Variants in RAPH1 observed in about 807,000 individuals in gnomAD.
RAPH1 encodes ras-associated and pleckstrin homology domains-containing protein 1.
In RAPH1, 18 loss-of-function variants were observed where a neutral mutation model predicts 88.1. The observed-to-expected ratio is 0.20, with a 90% CI of 0.14 to 0.30. RAPH1 has a LOEUF of 0.30. Ranked by LOEUF, RAPH1 falls within the 10% of genes least tolerant of loss-of-function variation. RAPH1 has a pLI of 1.00. For missense variants in RAPH1, 1,448 were observed against 1,543.2 expected (o/e 0.94, Z 1.03); for synonymous variants, 587 against 559.0 (o/e 1.05, Z -0.71).
Position 203,434,040 on chromosome 2 carries a change from A to ATATATATATATCTATCTATC in RAPH1, c.*5396_*5397insGATAGATAGATATATATATA, listed in dbSNP as rs71408937. On this transcript the variant is annotated 3_prime_UTR_variant, in exon 14 of 14. Coordinates refer to ENST00000319170, the MANE Select transcript of RAPH1 (RefSeq NM_213589.3). ...GTAGTACTGAATATATCTCTCTCATATATCTATCTATCTATCTATATATAT... is the reference window on the plus strand; with the variant it reads ...GTAGTACTGAATATATCTCTCTCATATATATATATATCTATCTATCTATCTATCTATCTATCTATATATAT... 6.9e-6 allele frequency: 1 copy of ATATATATATATCTATCTATC among 145,396 alleles called. No individual in the cohort carries two copies. The highest frequency in any genetic ancestry group is 2.0e-4 in the East Asian group (1 of 5,076). 9.0% of individuals were successfully genotyped at this position (145,396 alleles called of 1,614,324 possible).
chr2:203,459,865 C>A, intron 7 of RAPH1, 42 bp downstream of exon 7: 1 of 1,589,138 alleles, frequency 6.3e-7, no homozygotes, highest in South Asian at 1.2e-5. Flanking sequence ...AAATAGGAGA[C>A]ATATTTACAA....
chr2:203,451,766 G>A (rs1005622132), intron 10 of RAPH1, among the ~76,000 whole-genome samples: 2 of 152,204 alleles, frequency 1.3e-5, no homozygotes, highest in African/African-American at 4.8e-5. Context: ...TTTCCTGGCA[G>A]AGCCTTACCT....
chr2:203,440,052 C>T lies in RAPH1; in HGVS notation c.3138G>A (p.Val1046=), dbSNP rs201752703. ...NLPGVLQQGC[V]SAKAPVLSGR... ...CACTCAGAACAGGGGCTTTTGCTGA[C>T]ACACACCCTTGTTGGAGAACTCCAG... The change falls in exon 14 of 14, where the codon GTG becomes GTA. Residue 1046 remains valine, a synonymous_variant. Coordinates refer to ENST00000319170, the MANE Select transcript of RAPH1 (RefSeq NM_213589.3). The T allele has an allele frequency of 6.1e-4, 983 of 1,613,526 alleles. No individual in the cohort carries two copies. The highest frequency in any genetic ancestry group is 8.1e-4 in the Non-Finnish European group (959 of 1,179,996).
chr2:203,439,672 A>C lies in RAPH1; in HGVS notation c.3518T>G (p.Leu1173Arg). 1 of 1,614,146 alleles carries C rather than the reference A, an allele frequency of 6.2e-7. No individual in the cohort carries two copies. The highest frequency in any genetic ancestry group is 8.5e-7 in the Non-Finnish European group (1 of 1,180,024). The change falls in exon 14 of 14, where the codon CTG becomes CGG. Residue 1173 changes from leucine (L) to arginine (R), a missense_variant. This residue lies in a region of RAPH1 where 935 missense variants were observed against 890.1 expected (regional missense o/e 1.05). Coordinates refer to ENST00000319170, the MANE Select transcript of RAPH1 (RefSeq NM_213589.3). ...PGFLADLNRT[L>R]QRKSITRHGS... ...GTGCCGAGTGATGGACTTTCGTTGC[A>C]GTGTCCTGTTGAGGTCAGCCAGGAA...
chr2:203,457,327 C>G (rs1284360485), intron 8 of RAPH1, among the ~76,000 whole-genome samples: 1 of 151,946 alleles, frequency 6.6e-6, no homozygotes, highest in Non-Finnish European at 1.5e-5. Flanking sequence ...GCTGGGATTA[C>G]AGGCGCCCAC....
intron 1 of RAPH1, among the ~76,000 whole-genome samples, chr2:203,520,390 G>A (rs1207870738): frequency 2.0e-5 from 3 of 151,176 alleles, no homozygotes; most frequent in Admixed American, 2.0e-4. Context: ...CCCTTTGGGA[G>A]GCCGAGGCGG....
At position 203,439,323 on chromosome 2, in the gene RAPH1, C is replaced by T; in HGVS notation, c.*114G>A. The T allele has an allele frequency of 3.2e-6, 3 of 937,010 alleles. No homozygotes were observed. Among genetic ancestry groups the T allele is most frequent in the Non-Finnish European group, 4.9e-6 (3 of 606,800 alleles). The allele number at this position is 937,010 out of a possible 1,614,324, so 58.0% of individuals were successfully genotyped here. ...ACACACACATACACATATAGCTGGA[C>T]ACTACCTGAATAACATCATACCAGG... On this transcript the variant is annotated 3_prime_UTR_variant, in exon 14 of 14. Transcript: ENST00000319170.
At chr2:203,450,175 GCCA>G (rs1238043814) in intron 10 of RAPH1, among the ~76,000 whole-genome samples, 5 of 151,830 alleles carry the variant, frequency 3.3e-5, no homozygotes, top group Non-Finnish European at 7.4e-5. Flanking sequence ...AGAATAGATG[GCCA>G]CCAACATAAG....
chr2:203,472,145 T>G (rs2098533757), intron 4 of RAPH1, among the ~76,000 whole-genome samples: 1 of 151,924 alleles, frequency 6.6e-6, no homozygotes, highest in South Asian at 2.1e-4. Context: ...TTTTTTTTAT[T>G]TTTTTGAGAC....
intron 1 of RAPH1, among the ~76,000 whole-genome samples, chr2:203,514,054 G>C (rs1689488243): frequency 6.6e-6 from 1 of 152,004 alleles, no homozygotes; most frequent in Non-Finnish European, 1.5e-5. Flanking sequence ...TGTTGGGCAG[G>C]CTGGTCTCAA....
chr2:203,447,775 G>T, intron 12 of RAPH1, 184 bp downstream of exon 12: 1 of 452,682 alleles, frequency 2.2e-6, no homozygotes, highest in Non-Finnish European at 3.8e-6. Flanking sequence ...AAATACATTT[G>T]TGAACTAGCC....
Position 203,495,273 on chromosome 2 carries a change from C to T in RAPH1, c.81G>A (p.Met27Ile), listed in dbSNP as rs763483457. 5 of 1,614,114 alleles carry T rather than the reference C, an allele frequency of 3.1e-6. No homozygotes were observed. The South Asian group carries it at 4.4e-5, about 14-fold the overall frequency. Residue 27 changes from methionine (M) to isoleucine (I), a missense_variant, in exon 2 of 14, where the codon ATG becomes ATA. By Grantham distance (10) the Met-to-Ile change is conservative. Coordinates refer to ENST00000319170, the MANE Select transcript of RAPH1 (RefSeq NM_213589.3). ...CTAGTTCTCCAAGCCAGGCTCCAAA[C>T]ATTTTGTCCAGGTCCTGATCTTCCT... ...SDKEDQDLDK[M>I]FGAWLGELDK...
chr2:203,477,847 T>A (rs1170286496), intron 4 of RAPH1, among the ~76,000 whole-genome samples: 1 of 152,096 alleles, frequency 6.6e-6, no homozygotes, highest in Non-Finnish European at 1.5e-5. Context: ...TTCTTCTGGG[T>A]ACCCTCCTCT....
intron 8 of RAPH1, 98 bp from the exon 9 acceptor site, chr2:203,455,678 A>T: frequency 8.5e-7 from 1 of 1,177,482 alleles, no homozygotes; most frequent in Non-Finnish European, 1.2e-6. Context: ...TATTAAACCA[A>T]AATGGTTTTA....
In RAPH1 at chr2:203,529,005, A is replaced by AT. The variant is rs66832810; in HGVS notation, c.-1+6105dup. Reference sequence around the variant, plus strand: ...TATATATATATATATATATATATATATTTTTTTTTTTTTTTTTTTTTTTTT... The same window carrying AT: ...TATATATATATATATATATATATATATTTTTTTTTTTTTTTTTTTTTTTTTT... On this transcript the variant is annotated intron_variant, in intron 1 of 13. Transcript: ENST00000319170. Among the ~76,000 whole-genome samples, 83 of 41,150 alleles carry AT rather than the reference A, an allele frequency of 2.0e-3. 2 individuals carry two copies. Among genetic ancestry groups the AT allele is most frequent in the East Asian group, 0.016 (16 of 970 alleles). The allele number at this position is 41,150 out of a possible 152,430, so 27.0% of individuals were successfully genotyped here. A position where few individuals can be genotyped will look rare whatever the true frequency, so the allele number is the denominator to read the frequency against.
chr2:203,500,335 G>A (rs1688687793), intron 1 of RAPH1, among the ~76,000 whole-genome samples: 1 of 152,144 alleles, frequency 6.6e-6, no homozygotes, highest in Non-Finnish European at 1.5e-5. Flanking sequence ...ATATACAAGG[G>A]TATAAAGACG....
chr2:203,505,558 CA>C (rs1688950959), intron 1 of RAPH1, among the ~76,000 whole-genome samples: 1 of 152,026 alleles, frequency 6.6e-6, no homozygotes, highest in South Asian at 2.1e-4. Flanking sequence ...CAATTTAGTT[CA>C]ACGCTCTACA....
At chr2:203,534,124 C>T (rs978695198) in intron 1 of RAPH1, among the ~76,000 whole-genome samples, 1 of 152,218 alleles carries the variant, frequency 6.6e-6, no homozygotes, top group African/African-American at 2.4e-5. Context: ...CATCCCTAAC[C>T]CGTTACCTTT....
At chr2:203,470,374 TATGTGTTTAAAAC>T (rs2098531983) in intron 4 of RAPH1, 2 of 1,095,510 alleles carry the variant, frequency 1.8e-6, no homozygotes, top group Admixed American at 2.1e-5. Flanking sequence ...GTGGAGGTTT[TATGTGTTTAAAAC>T]ATAAAGTAGA....
Sources: gnomAD v4.1 joint callset for allele counts (sites outside exome capture counted in the v4.1 genomes callset) on GRCh38, gnomAD v4.1.1 for gene constraint, gnomAD v4.1.1 regional missense constraint, MANE v1.5 for transcripts, NCBI Gene and HGNC (gene_info 2026-07-23, HGNC 2026-07-21) for gene names.